The following PVT1 variants were observed in gnomAD, a reference collection of about 807,000 sequenced individuals.
PVT1 encodes CXCR4/PVT1 fusion.
chr8:128,004,514 C>A (rs1817223302), intron 4 of PVT1, among the ~76,000 whole-genome samples: 1 of 152,154 alleles, frequency 6.6e-6, no homozygotes, highest in Non-Finnish European at 1.5e-5. Context: ...AAGCCCGGGG[C>A]ACAATCTCCG....
intron 4 of PVT1, among the ~76,000 whole-genome samples, chr8:128,026,429 A>G (rs997304098): frequency 6.6e-6 from 1 of 151,884 alleles, no homozygotes; most frequent in South Asian, 2.1e-4. Flanking sequence ...CTCTCTGACA[A>G]CCTTTTGCAG....
intron 5 of PVT1, among the ~76,000 whole-genome samples, chr8:128,092,693 G>GACCA (rs1563685131): frequency 6.6e-6 from 1 of 152,202 alleles, no homozygotes; most frequent in East Asian, 1.9e-4. Flanking sequence ...ACAGCCAAGT[G>GACCA]TGGGAGAGCT....
intron 2 of PVT1, among the ~76,000 whole-genome samples, chr8:127,854,221 C>T (rs1023963912): frequency 6.6e-6 from 1 of 152,182 alleles, no homozygotes; most frequent in South Asian, 2.1e-4. Context: ...ATGCCAGCTG[C>T]GTAAGTCTCC....
At chr8:127,963,697 A>T (rs554474755) in intron 3 of PVT1, among the ~76,000 whole-genome samples, 82 of 152,092 alleles carry the variant, frequency 5.4e-4, no homozygotes, top group Middle Eastern at 6.8e-3. Flanking sequence ...TGTGTCAGGC[A>T]TGATTTTTGG....
chr8:128,003,573 T>C (rs1817211149), intron 4 of PVT1, among the ~76,000 whole-genome samples: 1 of 152,240 alleles, frequency 6.6e-6, no homozygotes, highest in Admixed American at 6.5e-5. Context: ...CTTGAAGATA[T>C]CTGCTTGCCT....
intron 4 of PVT1, among the ~76,000 whole-genome samples, chr8:127,997,043 C>CGT (rs1817112979): frequency 1.8e-5 from 1 of 54,662 alleles, no homozygotes; most frequent in African/African-American, 6.8e-5. Flanking sequence ...CATTTGCTTT[C>CGT]GTTTTTTTTT....
chr8:128,064,741 T>C (rs1021275599), intron 4 of PVT1, among the ~76,000 whole-genome samples: 1 of 152,246 alleles, frequency 6.6e-6, no homozygotes, highest in Admixed American at 6.5e-5. Context: ...CTGAAAAATA[T>C]GAAAACAAAA....
In PVT1 at chr8:127,994,835, CAGG is replaced by C. The variant is rs1817086951; in HGVS notation, n.912+5545_912+5547del. On this transcript the variant is annotated intron_variant and non_coding_transcript_variant, in intron 4 of 10. Coordinates refer to ENST00000651587, the Ensembl canonical transcript of PVT1. ...AGATCGATGTCCCAGAACAAGCAATCAGGCAGAGATGAAATTCAACCTTCCTGT... is the reference window on the plus strand; with the variant it reads ...AGATCGATGTCCCAGAACAAGCAATCCAGAGATGAAATTCAACCTTCCTGT... Among the ~76,000 whole-genome samples the C allele has an allele frequency of 2.0e-5, 3 of 152,316 alleles. No individual in the cohort carries two copies. The East Asian group carries it at 5.8e-4, about 29-fold the overall frequency.
intron 2 of PVT1, among the ~76,000 whole-genome samples, chr8:127,817,312 G>C (rs4733779): frequency 0.44 from 64,706 of 148,236 alleles, 14,526 homozygotes; most frequent in African/African-American, 0.53. Context: ...CTTAACATCT[G>C]TCTACCTCAG....
chr8:127,988,357 GTAAATGTAT>G (rs1816993469), intron 3 of PVT1, among the ~76,000 whole-genome samples: 2 of 152,230 alleles, frequency 1.3e-5, no homozygotes, highest in Non-Finnish European at 2.9e-5. Flanking sequence ...GCACCGTACT[GTAAATGTAT>G]GAATGGGGTT....
chr8:127,892,734 C>T (rs545816749), intron 3 of PVT1, among the ~76,000 whole-genome samples: 1 of 152,236 alleles, frequency 6.6e-6, no homozygotes, highest in African/African-American at 2.4e-5. Context: ...CTGTGCTTGA[C>T]TGTGGTCACG....
intron 4 of PVT1, among the ~76,000 whole-genome samples, chr8:128,053,364 C>T (rs1586499580): frequency 6.7e-6 from 1 of 149,944 alleles, no homozygotes; most frequent in Non-Finnish European, 1.5e-5. Flanking sequence ...GCTATATATA[C>T]ATATATATAT....
rs143742713 is a variant in PVT1, at chr8:127,932,383, T to G, written n.782+41385T>G. 211 of 398,606 alleles carry G rather than the reference T, an allele frequency of 5.3e-4. 3 individuals carry two copies. The East Asian group carries it at 7.4e-3, about 14-fold the overall frequency. 24.7% of individuals were successfully genotyped at this position (398,606 alleles called of 1,614,324 possible). A position where few individuals can be genotyped will look rare whatever the true frequency, so the allele number is the denominator to read the frequency against. The stretch of plus-strand genomic sequence containing the variant: ...AAGGCCTTCCTTGGGAAGTCTGAGA[T>G]GGATTACCCCAAGGAGGCTCGAACA... On this transcript the variant is annotated intron_variant and non_coding_transcript_variant, in intron 3 of 10. Transcript: ENST00000651587.
At chr8:127,844,969 T>C (rs2129722403) in intron 2 of PVT1, among the ~76,000 whole-genome samples, 1 of 152,228 alleles carries the variant, frequency 6.6e-6, no homozygotes, top group African/African-American at 2.4e-5. Flanking sequence ...TGCCTCGGCC[T>C]CCCAAAGTGC....
intron 3 of PVT1, among the ~76,000 whole-genome samples, chr8:127,915,117 A>G (rs1815966961): frequency 6.6e-6 from 1 of 151,496 alleles, no homozygotes; most frequent in Admixed American, 6.6e-5. Context: ...GAGCCACCAC[A>G]CCTGGCCAAT....
At chr8:127,814,128 A>C (rs1814633565) in intron 2 of PVT1, among the ~76,000 whole-genome samples, 2 of 152,202 alleles carry the variant, frequency 1.3e-5, no homozygotes, top group Admixed American at 6.5e-5. Context: ...CTAAATCTAG[A>C]GTTTTCCTTT....
intron 2 of PVT1, among the ~76,000 whole-genome samples, chr8:127,813,466 C>T (rs2051482952): frequency 6.6e-6 from 1 of 151,920 alleles, no homozygotes; most frequent in African/African-American, 2.4e-5. Flanking sequence ...GTAAATGCCT[C>T]CCCTAGACCC....
intron 2 of PVT1, among the ~76,000 whole-genome samples, chr8:127,876,041 C>T (rs1459494792): frequency 1.3e-5 from 2 of 152,268 alleles, no homozygotes; most frequent in African/African-American, 4.8e-5. Flanking sequence ...CCCCCTCACC[C>T]TCAGCCAGGT....
intron 4 of PVT1, among the ~76,000 whole-genome samples, chr8:128,009,921 G>T (rs866081365): frequency 1.3e-5 from 2 of 152,330 alleles, no homozygotes; most frequent in Middle Eastern, 3.4e-3. Context: ...AAGAATCATA[G>T]CTCAATACAG....
Sources: allele counts gnomAD v4.1 joint callset (sites outside exome capture counted in the v4.1 genomes callset), GRCh38; gene constraint gnomAD v4.1.1; transcripts MANE v1.5; gene names NCBI Gene and HGNC (gene_info 2026-07-23, HGNC 2026-07-21).